USH2A: variants seen among roughly 807,000 people sequenced by gnomAD.
The protein encoded by USH2A is Usher syndrome 2A (autosomal recessive, mild).
A neutral mutation model predicts 538.9 loss-of-function variants in USH2A; 443 were observed. The observed-to-expected ratio is 0.82, with a 90% CI of 0.76 to 0.89. The LOEUF (loss-of-function observed/expected upper bound fraction) is 0.89, where lower values mean the gene tolerates loss of function less well. USH2A is among the 40% of genes least tolerant of loss of function. USH2A has a pLI of 0.00. For synonymous variants in USH2A, 2,413 were observed against 2,273.5 expected, an observed-to-expected ratio of 1.06 and a Z score of -1.75; for missense variants, 6,633 against 6,324.8, an observed-to-expected ratio of 1.05 and a Z score of -1.65.
chr1:216,267,709 G>T (rs1360499666), intron 11 of USH2A, among the ~76,000 whole-genome samples: 2 of 151,946 alleles, frequency 1.3e-5, no homozygotes, highest in African/African-American at 2.4e-5. Flanking sequence ...GCATTTTCTT[G>T]TTACCTCTGT....
rs555769943 is a variant in USH2A, at chr1:215,897,735, G to GAA, written c.7594+2339_7594+2340insTT. Among the ~76,000 whole-genome samples, 506 of 151,362 alleles carry GAA rather than the reference G, an allele frequency of 3.3e-3. 16 individuals are homozygous for GAA. The East Asian group carries it at 0.062, about 19-fold the overall frequency. On this transcript the variant is annotated intron_variant, in intron 40 of 71. Coordinates refer to ENST00000307340, the MANE Select transcript of USH2A (RefSeq NM_206933.4). ...AAAGAAAGAAAGAGAAAGAAAGAAA[G>GAA]AGAGAGAAAGAGAAAGAGAGTGAGA...
chr1:216,256,824 A>G (rs1367363428), intron 11 of USH2A, among the ~76,000 whole-genome samples: 1 of 152,016 alleles, frequency 6.6e-6, no homozygotes, highest in Non-Finnish European at 1.5e-5. Flanking sequence ...TGTTATCAGT[A>G]AGGTTTTTGG....
Position 215,971,573 on chromosome 1 carries a change from T to C in USH2A, c.6806-797A>G, listed in dbSNP as rs138017686. On this transcript the variant is annotated intron_variant, in intron 35 of 71. Transcript: ENST00000307340. ...AAGTTCAAGACCAGCCTGGGCAACA[T>C]AGAGAGACCCTATCTCTACAAAAAA... is the stretch of plus-strand genomic sequence containing the variant. Among the ~76,000 whole-genome samples, 555 of 151,972 alleles carry C rather than the reference T, an allele frequency of 3.7e-3. 3 individuals are homozygous for C. Among genetic ancestry groups the C allele is most frequent in the Middle Eastern group, 6.8e-3 (2 of 294 alleles).
intron 21 of USH2A, among the ~76,000 whole-genome samples, chr1:216,149,193 A>T (rs2033780193): frequency 6.6e-6 from 1 of 152,168 alleles, no homozygotes; most frequent in Non-Finnish European, 1.5e-5. Flanking sequence ...GTCTGTGTGC[A>T]GCGGCTGCCG....
intron 35 of USH2A, among the ~76,000 whole-genome samples, chr1:215,984,736 A>G (rs1240571105): frequency 6.6e-6 from 1 of 152,220 alleles, no homozygotes; most frequent in Non-Finnish European, 1.5e-5. Context: ...ACAATGCTTT[A>G]GTGTGTCATA....
intron 3 of USH2A, among the ~76,000 whole-genome samples, chr1:216,387,136 G>T (rs764429320): frequency 1.3e-5 from 2 of 152,168 alleles, no homozygotes; most frequent in Admixed American, 6.5e-5. Flanking sequence ...TGAAGTAATA[G>T]GATATAATTT....
Position 215,694,566 on chromosome 1 carries a change from C to T in USH2A, c.12067-14190G>A, listed in dbSNP as rs575692700. 2.6e-5 allele frequency among the ~76,000 whole-genome samples: 4 copies of T among 152,092 alleles called. No individual in the cohort carries two copies. The East Asian group carries it at 7.8e-4, about 30-fold the overall frequency. On this transcript the variant is annotated intron_variant, in intron 61 of 71. Transcript: ENST00000307340. ...CCAGCCTGGGTGACAGAGAGAGACT[C>T]CATCTCAAAACAAACAAACAAACAA...
chr1:215,684,004 A>T (rs1571956064), intron 61 of USH2A, among the ~76,000 whole-genome samples: 2 of 152,230 alleles, frequency 1.3e-5, no homozygotes, highest in African/African-American at 4.8e-5. Flanking sequence ...GATGAAGAAG[A>T]TGACTCAACA....
chr1:215,819,769 G>A (rs1048888320), intron 47 of USH2A, among the ~76,000 whole-genome samples: 1 of 151,666 alleles, frequency 6.6e-6, no homozygotes, highest in South Asian at 2.1e-4. Context: ...AAGTGAGACC[G>A]CCTATATTTT....
intron 4 of USH2A, among the ~76,000 whole-genome samples, chr1:216,364,570 T>A (rs1018264173): frequency 1.3e-5 from 2 of 152,072 alleles, no homozygotes; most frequent in East Asian, 3.9e-4. Flanking sequence ...ATGACAAGTG[T>A]CCTTATAACA....
At chr1:216,400,408 A>C (rs1466685438) in intron 3 of USH2A, among the ~76,000 whole-genome samples, 1 of 151,818 alleles carries the variant, frequency 6.6e-6, no homozygotes, top group African/African-American at 2.4e-5. Flanking sequence ...TAAAAGGAAA[A>C]AAAAAAACTT....
At chr1:215,789,355 G>A (rs898698055) in intron 51 of USH2A, among the ~76,000 whole-genome samples, 3 of 152,110 alleles carry the variant, frequency 2.0e-5, no homozygotes, top group South Asian at 2.1e-4. Context: ...CATTGTCTGT[G>A]ACCAAGACAC....
chr1:216,091,880 A>G (rs551697732), intron 22 of USH2A, among the ~76,000 whole-genome samples: 5 of 152,274 alleles, frequency 3.3e-5, no homozygotes, highest in African/African-American at 1.2e-4. Context: ...TAAAAATCAA[A>G]TTATCTGAAA....
At chr1:216,290,976 T>C (rs1028083311) in intron 10 of USH2A, among the ~76,000 whole-genome samples, 5 of 152,182 alleles carry the variant, frequency 3.3e-5, no homozygotes, top group African/African-American at 1.2e-4. Context: ...TGAAATGTAT[T>C]CTGACATTAT....
At chr1:216,279,722 A>G (rs2036736525) in intron 11 of USH2A, among the ~76,000 whole-genome samples, 1 of 152,132 alleles carries the variant, frequency 6.6e-6, no homozygotes, top group Admixed American at 6.6e-5. Context: ...TCCTCAGCTC[A>G]ACCCAATAAC....
At position 216,007,204 on chromosome 1, in the gene USH2A, C is replaced by A. The variant is rs147290862; in HGVS notation, c.6326-6642G>T. On this transcript the variant is annotated intron_variant, in intron 32 of 71. Transcript: ENST00000307340. ...ATGCAACTGTAAGTCCATTAAACCT[C>A]TTTTTCTTTACAAATTACACAGTCT... 4.1e-3 allele frequency among the ~76,000 whole-genome samples: 617 copies of A among 152,300 alleles called. 5 individuals are homozygous for A. Among genetic ancestry groups the A allele is most frequent in the African/African-American group, 0.014 (571 of 41,568 alleles).
intron 15 of USH2A, among the ~76,000 whole-genome samples, chr1:216,210,271 C>A (rs61826939): frequency 6.6e-6 from 1 of 151,880 alleles, no homozygotes; most frequent in African/African-American, 2.4e-5. Flanking sequence ...GAGTAAACAG[C>A]AAACTGTTCT....
intron 20 of USH2A, among the ~76,000 whole-genome samples, chr1:216,184,965 T>C (rs1262019620): frequency 6.6e-6 from 1 of 151,988 alleles, no homozygotes; most frequent in African/African-American, 2.4e-5. Context: ...AAATATCACA[T>C]TGTCCCTTCA....
At chr1:216,014,185 G>T (rs554517881) in intron 32 of USH2A, among the ~76,000 whole-genome samples, 29 of 152,210 alleles carry the variant, frequency 1.9e-4, no homozygotes, top group African/African-American at 6.3e-4. Context: ...AGGAAATGAT[G>T]AGGGAAAGGG....
Sources: allele counts gnomAD v4.1 joint callset (sites outside exome capture counted in the v4.1 genomes callset), GRCh38; gene constraint gnomAD v4.1.1; transcripts MANE v1.5; gene names NCBI Gene and HGNC (gene_info 2026-07-23, HGNC 2026-07-21).